The following MAPK10 variants were observed in gnomAD, a reference collection of about 807,000 sequenced individuals.
MAPK10 encodes JNK3 alpha protein kinase.
MAPK10 carries 25 observed loss-of-function variants against 59.3 expected under a neutral mutation model. That is an observed-to-expected ratio of 0.42 (90% confidence interval 0.31 to 0.59). MAPK10 has a LOEUF of 0.59. MAPK10 is among the 20% of genes least tolerant of loss of function. The probability of loss-of-function intolerance (pLI) is 0.15; values close to 1 mark genes in which losing one functional copy is unlikely to be tolerated. For missense variants in MAPK10, 351 were observed against 568.9 expected (o/e 0.62, Z 3.90); for synonymous variants, 190 against 200.5 (o/e 0.95, Z 0.44).
chr4:86,470,454 C>G (rs1165845530), intron 1 of MAPK10, among the ~76,000 whole-genome samples: 1 of 152,072 alleles, frequency 6.6e-6, no homozygotes, highest in East Asian at 1.9e-4. Context: ...AGTTAAACCT[C>G]TTTTTATTCA....
chr4:86,400,477 G>C (rs941047030), intron 1 of MAPK10, among the ~76,000 whole-genome samples: 3 of 151,824 alleles, frequency 2.0e-5, no homozygotes, highest in Admixed American at 6.6e-5. Context: ...ACGTAATGGG[G>C]AGTTTTAATT....
At chr4:86,393,038 G>C (rs1742448261) in intron 1 of MAPK10, among the ~76,000 whole-genome samples, 1 of 152,164 alleles carries the variant, frequency 6.6e-6, no homozygotes, top group African/African-American at 2.4e-5. Context: ...TTCTTGCAGA[G>C]GCTGGCTTTG....
At position 86,102,049 on chromosome 4, in the gene MAPK10, A is replaced by ACAGTGTTAGTTCCAGATCACAAGATCT; in HGVS notation, c.426-44_426-18dup. On this transcript the variant is annotated splice_polypyrimidine_tract_variant and intron_variant, in intron 6 of 13. Coordinates refer to ENST00000641462, the MANE Select transcript of MAPK10 (RefSeq NM_138982.4). ...ACTAAGTAACTAGAAGGGTGAATCC[A>ACAGTGTTAGTTCCAGATCACAAGATCT]CAGTGTTAGTTCCAGATCACAAGAT... The ACAGTGTTAGTTCCAGATCACAAGATCT allele has an allele frequency of 6.2e-7, 1 of 1,612,560 alleles. No homozygotes were observed. Among genetic ancestry groups the ACAGTGTTAGTTCCAGATCACAAGATCT allele is most frequent in the Non-Finnish European group, 8.5e-7 (1 of 1,178,644 alleles).
chr4:86,288,848 T>C (rs1191764117), intron 2 of MAPK10, among the ~76,000 whole-genome samples: 2 of 151,830 alleles, frequency 1.3e-5, no homozygotes, highest in Non-Finnish European at 2.9e-5. Flanking sequence ...TCATTCATTC[T>C]ACAAATAATT....
intron 1 of MAPK10, among the ~76,000 whole-genome samples, chr4:86,408,823 T>G (rs1234803968): frequency 6.6e-6 from 1 of 152,234 alleles, no homozygotes; most frequent in Non-Finnish European, 1.5e-5. Context: ...ATGGGTAGAT[T>G]GCAAAAATTT....
intron 1 of MAPK10, among the ~76,000 whole-genome samples, chr4:86,578,048 C>G (rs1762026051): frequency 6.6e-6 from 1 of 152,046 alleles, no homozygotes; most frequent in Admixed American, 6.5e-5. Flanking sequence ...ATTACTAATT[C>G]CAAGTTTGCT....
At chr4:86,153,279 GACTC>G (rs2066922182) in intron 4 of MAPK10, among the ~76,000 whole-genome samples, 1 of 152,108 alleles carries the variant, frequency 6.6e-6, no homozygotes, top group Non-Finnish European at 1.5e-5. Context: ...TTACAGAAAA[GACTC>G]AATCATCTGT....
At chr4:86,498,484 G>A (rs1755061326) in intron 1 of MAPK10, among the ~76,000 whole-genome samples, 1 of 152,190 alleles carries the variant, frequency 6.6e-6, no homozygotes, top group South Asian at 2.1e-4. Context: ...GCCCTGAAAA[G>A]TGACTGGTTG....
chr4:86,219,319 G>A (rs1024085540), intron 2 of MAPK10, among the ~76,000 whole-genome samples: 1 of 152,116 alleles, frequency 6.6e-6, no homozygotes, highest in Non-Finnish European at 1.5e-5. Flanking sequence ...ACAAACTTGA[G>A]TCACAAGTAC....
chr4:86,449,551 T>A (rs1750445254), intron 1 of MAPK10, among the ~76,000 whole-genome samples: 1 of 152,144 alleles, frequency 6.6e-6, no homozygotes, highest in South Asian at 2.1e-4. Context: ...CATGAACAGA[T>A]GATATGGTTT....
intron 1 of MAPK10, among the ~76,000 whole-genome samples, chr4:86,410,397 C>T (rs1174584053): frequency 1.3e-5 from 2 of 152,200 alleles, no homozygotes; most frequent in African/African-American, 4.8e-5. Flanking sequence ...ACTTTTGTAT[C>T]AGGATGATGC....
At chr4:86,402,770 G>A (rs940940903) in intron 1 of MAPK10, among the ~76,000 whole-genome samples, 1 of 152,082 alleles carries the variant, frequency 6.6e-6, no homozygotes, top group African/African-American at 2.4e-5. Context: ...GACTCAAAAG[G>A]CCATTCGGTG....
At chr4:86,397,864 C>CAAAA (rs759585442) in intron 1 of MAPK10, among the ~76,000 whole-genome samples, 7 of 51,744 alleles carry the variant, frequency 1.4e-4, no homozygotes, top group East Asian at 6.3e-4. Flanking sequence ...TCTGCTATGG[C>CAAAA]AAAAAAAAAA....
At chr4:86,405,696 C>CT (rs1486747106) in intron 1 of MAPK10, among the ~76,000 whole-genome samples, 2 of 152,288 alleles carry the variant, frequency 1.3e-5, no homozygotes, top group South Asian at 2.1e-4. Flanking sequence ...CTCAATCACT[C>CT]TTTTTTACCT....
intron 11 of MAPK10, among the ~76,000 whole-genome samples, chr4:86,042,503 G>C (rs2041768825): frequency 6.6e-6 from 1 of 152,038 alleles, no homozygotes; most frequent in Non-Finnish European, 1.5e-5. Context: ...AAAAAAAAGT[G>C]TTAAGGGATA....
At chr4:86,495,967 C>T (rs1309655722) in intron 1 of MAPK10, among the ~76,000 whole-genome samples, 7 of 152,134 alleles carry the variant, frequency 4.6e-5, no homozygotes, top group Non-Finnish European at 7.4e-5. Flanking sequence ...CTTATTAACA[C>T]ATTTTTTCTA....
At chr4:86,118,813 T>C (rs939945542) in intron 4 of MAPK10, among the ~76,000 whole-genome samples, 64 of 152,334 alleles carry the variant, frequency 4.2e-4, no homozygotes, top group African/African-American at 1.3e-3. Context: ...TCCCTAAGCA[T>C]TACTGGAGCA....
chr4:86,369,084 C>T (rs547218991), intron 1 of MAPK10, among the ~76,000 whole-genome samples: 2 of 152,100 alleles, frequency 1.3e-5, no homozygotes, highest in Non-Finnish European at 2.9e-5. Context: ...ATGAAAAAAG[C>T]ATGAAGATAC....
At chr4:86,388,783 T>C (rs1741827487) in intron 1 of MAPK10, among the ~76,000 whole-genome samples, 1 of 152,184 alleles carries the variant, frequency 6.6e-6, no homozygotes. Flanking sequence ...ATATCCATGA[T>C]ATTTGTTTCA....
Sources: gnomAD v4.1 joint callset for allele counts (sites outside exome capture counted in the v4.1 genomes callset) on GRCh38, gnomAD v4.1.1 for gene constraint, MANE v1.5 for transcripts, NCBI Gene and HGNC (gene_info 2026-07-23, HGNC 2026-07-21) for gene names.